KCNAB1: variants seen among roughly 807,000 people sequenced by gnomAD.
KCNAB1 encodes potassium voltage-gated channel subfamily A regulatory beta subunit 1.
A neutral mutation model predicts 64.6 loss-of-function variants in KCNAB1; 35 were observed. The ratio of observed to expected loss-of-function variants is 0.54; its 90% CI spans 0.41 to 0.72. The LOEUF is 0.72. KCNAB1 is among the 30% of genes least tolerant of loss of function. The pLI, the probability that KCNAB1 is intolerant of heterozygous loss-of-function variation, is 0.00. For missense variants in KCNAB1, 401 were observed against 512.9 expected (o/e 0.78, Z 2.11); for synonymous variants, 177 against 183.8 (o/e 0.96, Z 0.30).
At chr3:156,481,396 GCCAAA>G (rs1714784307) in intron 8 of KCNAB1, among the ~76,000 whole-genome samples, 2 of 143,042 alleles carry the variant, frequency 1.4e-5, no homozygotes, top group East Asian at 4.0e-4. Context: ...AAGAAGATGA[GCCAAA>G]CCCAGCCAAG....
chr3:156,309,539 A>T (rs1015390579), intron 1 of KCNAB1, among the ~76,000 whole-genome samples: 2 of 152,186 alleles, frequency 1.3e-5, no homozygotes, highest in African/African-American at 2.4e-5. Context: ...ATTGAATGCT[A>T]CTCCTTTCAG....
chr3:156,257,481 C>T (rs988917294), intron 1 of KCNAB1, among the ~76,000 whole-genome samples: 4 of 152,050 alleles, frequency 2.6e-5, no homozygotes, highest in African/African-American at 4.8e-5. Flanking sequence ...GGGAGGGATC[C>T]GGGGTGCTTT....
At chr3:156,495,320 G>A (rs1013185910) in intron 8 of KCNAB1, among the ~76,000 whole-genome samples, 4 of 152,102 alleles carry the variant, frequency 2.6e-5, no homozygotes, top group Admixed American at 2.0e-4. Context: ...AGACAGCATG[G>A]CAATTTCTCA....
chr3:156,278,516 G>A (rs561572322), intron 1 of KCNAB1, among the ~76,000 whole-genome samples: 1 of 152,184 alleles, frequency 6.6e-6, no homozygotes, highest in East Asian at 1.9e-4. Flanking sequence ...CAACATAGCG[G>A]GTGCTCAAAA....
intron 1 of KCNAB1, among the ~76,000 whole-genome samples, chr3:156,194,961 G>T (rs1961022): frequency 1.3e-5 from 2 of 151,946 alleles, no homozygotes; most frequent in African/African-American, 2.4e-5. Flanking sequence ...ACAGGCCCGG[G>T]TATGTGATGT....
intron 1 of KCNAB1, among the ~76,000 whole-genome samples, chr3:156,219,765 C>T (rs925196723): frequency 3.3e-5 from 5 of 151,466 alleles, no homozygotes; most frequent in South Asian, 2.1e-4. Context: ...ATGTGAACAA[C>T]GTGCAGGTTT....
rs546695715 is a variant in KCNAB1 at position 156,525,691 on chromosome 3, T to G, written c.1081+1744T>G. On this transcript the variant is annotated intron_variant, in intron 12 of 13. Coordinates refer to ENST00000490337, the MANE Select transcript of KCNAB1 (RefSeq NM_172160.3). ...CCACCAAGCCTGGCTAATTTTTGTATTTTTAGTAGCGAAGGGGTTTCACCA... is the reference window on the plus strand; with the variant it reads ...CCACCAAGCCTGGCTAATTTTTGTAGTTTTAGTAGCGAAGGGGTTTCACCA... Among the ~76,000 whole-genome samples the G allele has an allele frequency of 4.3e-3, 648 of 152,268 alleles. 2 individuals carry two copies. Among genetic ancestry groups the G allele is most frequent in the Non-Finnish European group, 5.3e-3 (360 of 68,020 alleles).
At chr3:156,176,191 C>CT in intron 1 of KCNAB1, 1 of 776,668 alleles carries the variant, frequency 1.3e-6, no homozygotes, top group Non-Finnish European at 2.4e-6. Context: ...ACCTTCAGAA[C>CT]TTAAGGTCAG....
chr3:156,504,751 G>GGT (rs1716708461), intron 8 of KCNAB1, among the ~76,000 whole-genome samples: 3 of 132,756 alleles, frequency 2.3e-5, no homozygotes, highest in East Asian at 2.2e-4. Flanking sequence ...TGTTTTTTTT[G>GGT]TTTTTTTTTT....
chr3:156,397,876 A>G (rs905804039), intron 1 of KCNAB1, among the ~76,000 whole-genome samples: 9 of 152,206 alleles, frequency 5.9e-5, no homozygotes, highest in South Asian at 2.1e-4. Context: ...ATATTTATTC[A>G]GCTCCCTAAT....
intron 7 of KCNAB1, among the ~76,000 whole-genome samples, chr3:156,466,492 A>T (rs1713384750): frequency 6.6e-6 from 1 of 151,660 alleles, no homozygotes; most frequent in East Asian, 1.9e-4. Context: ...TTTAGTTTTT[A>T]TTTTATTATT....
intron 1 of KCNAB1, among the ~76,000 whole-genome samples, chr3:156,216,387 T>G (rs1465462398): frequency 6.6e-6 from 1 of 152,232 alleles, no homozygotes; most frequent in Non-Finnish European, 1.5e-5. Context: ...CATGCCATGT[T>G]TCCAGGCAAC....
chr3:156,370,870 C>T (rs113167706), intron 1 of KCNAB1, among the ~76,000 whole-genome samples: 164 of 152,288 alleles, frequency 1.1e-3, no homozygotes, highest in African/African-American at 3.7e-3. Context: ...CACATGGAAA[C>T]GATCCAGTGG....
At chr3:156,457,594 G>T in intron 4 of KCNAB1, 62 bp downstream of exon 4, 1 of 1,408,274 alleles carries the variant, frequency 7.1e-7, no homozygotes, top group Non-Finnish European at 1.0e-6. Context: ...AATCAGCCCA[G>T]ACCATTTCCA....
chr3:156,171,797 A>G (rs1321482177), intron 1 of KCNAB1, among the ~76,000 whole-genome samples: 1 of 152,212 alleles, frequency 6.6e-6, no homozygotes, highest in African/African-American at 2.4e-5. Context: ...TCAGTTTCTG[A>G]AAATTTCTTT....
intron 2 of KCNAB1, 145 bp downstream of exon 2, chr3:156,421,804 G>A: frequency 1.5e-6 from 1 of 657,642 alleles, no homozygotes; most frequent in Non-Finnish European, 2.6e-6. Context: ...TCTCCTTTGA[G>A]CCTTTCTCTT....
intron 8 of KCNAB1, among the ~76,000 whole-genome samples, chr3:156,480,228 T>C (rs564282290): frequency 7.2e-5 from 11 of 152,124 alleles, no homozygotes; most frequent in Non-Finnish European, 1.6e-4. Context: ...AAAAACATGA[T>C]ATAGAAGGAA....
intron 1 of KCNAB1, among the ~76,000 whole-genome samples, chr3:156,249,226 A>G (rs1009898600): frequency 2.6e-5 from 4 of 152,092 alleles, no homozygotes; most frequent in African/African-American, 9.7e-5. Context: ...GAGACCTGGA[A>G]AGAAGTAGCT....
chr3:156,459,798 T>C (rs2108292657), intron 4 of KCNAB1, 29 bp from the exon 5 acceptor site: 1 of 1,572,100 alleles, frequency 6.4e-7, no homozygotes, highest in East Asian at 2.2e-5. Flanking sequence ...GACACTGCAT[T>C]CTAAGACATT....
Sources: gnomAD v4.1 joint callset for allele counts (sites outside exome capture counted in the v4.1 genomes callset) on GRCh38, gnomAD v4.1.1 for gene constraint, MANE v1.5 for transcripts, NCBI Gene and HGNC (gene_info 2026-07-23, HGNC 2026-07-21) for gene names.